Variants in CDK8 observed in about 807,000 individuals in gnomAD.
CDK8 encodes cyclin-dependent kinase 8.
A neutral mutation model predicts 71.5 loss-of-function variants in CDK8; 29 were observed. The ratio of observed to expected loss-of-function variants is 0.41; its 90% CI spans 0.30 to 0.55. The LOEUF (loss-of-function observed/expected upper bound fraction) is 0.55, where lower values mean the gene tolerates loss of function less well. CDK8 is among the 20% of genes least tolerant of loss of function. The pLI is 0.37. For synonymous variants in CDK8, 161 were observed against 192.1 expected, an observed-to-expected ratio of 0.84 and a Z score of 1.34; for missense variants, 288 against 572.6, an observed-to-expected ratio of 0.50 and a Z score of 5.07.
intron 4 of CDK8, among the ~76,000 whole-genome samples, chr13:26,361,491 C>A (rs1412588721): frequency 6.6e-6 from 1 of 152,114 alleles, no homozygotes; most frequent in African/African-American, 2.4e-5. Flanking sequence ...CTTCAGTCAA[C>A]CTACAATTGG....
chr13:26,317,327 A>G (rs997687784), intron 1 of CDK8, among the ~76,000 whole-genome samples: 1 of 152,338 alleles, frequency 6.6e-6, no homozygotes, highest in Non-Finnish European at 1.5e-5. Flanking sequence ...CATGAAAGGA[A>G]AAAACTGATA....
intron 12 of CDK8, among the ~76,000 whole-genome samples, chr13:26,402,332 C>T (rs138846885): frequency 2.0e-5 from 3 of 152,252 alleles, no homozygotes; most frequent in East Asian, 3.9e-4. Context: ...TTGTCAGTTA[C>T]GTTGTGGAAA....
At chr13:26,329,455 C>T (rs1409286429) in intron 1 of CDK8, among the ~76,000 whole-genome samples, 1 of 149,680 alleles carries the variant, frequency 6.7e-6, no homozygotes, top group Non-Finnish European at 1.5e-5. Flanking sequence ...CCCCATCTTA[C>T]CTTGCCTATT....
intron 1 of CDK8, among the ~76,000 whole-genome samples, chr13:26,304,442 A>G (rs1166772372): frequency 6.6e-6 from 1 of 151,678 alleles, no homozygotes; most frequent in Non-Finnish European, 1.5e-5. Context: ...TACTTTTTAT[A>G]TTATTGTGTA....
At chr13:26,380,641 T>TA (rs536266544) in intron 4 of CDK8, among the ~76,000 whole-genome samples, 1,991 of 149,696 alleles carry the variant, frequency 0.013, 57 homozygotes, top group Admixed American at 0.069. Flanking sequence ...CTGGCTGATT[T>TA]AAAAAAAAAA....
rs147290719 is a variant in CDK8 at position 26,374,043 on chromosome 13, A to AAAAAAAAT, written c.457-8770_457-8769insAAAAAATA. ...AAAAAAAAAAAAAAAAAAAACAAAA[A>AAAAAAAAT]ACAAAAAATTAGCTGGGCGTGGTGG... On this transcript the variant is annotated intron_variant, in intron 4 of 12. Coordinates refer to ENST00000381527, the MANE Select transcript of CDK8 (RefSeq NM_001260.3). Among the ~76,000 whole-genome samples the AAAAAAAAT allele has an allele frequency of 1.3e-3, 146 of 111,790 alleles. 42 individuals are homozygous for AAAAAAAAT. The highest frequency in any genetic ancestry group is 1.5e-3 in the Non-Finnish European group (83 of 56,730). 73.3% of individuals were successfully genotyped at this position (111,790 alleles called of 152,430 possible). A position where few individuals can be genotyped will look rare whatever the true frequency, so the allele number is the denominator to read the frequency against.
intron 1 of CDK8, among the ~76,000 whole-genome samples, chr13:26,293,491 G>A (rs1188884507): frequency 6.6e-6 from 1 of 151,416 alleles, no homozygotes; most frequent in Non-Finnish European, 1.5e-5. Context: ...TGTAGTCTCA[G>A]CTACTCGGGA....
intron 4 of CDK8, among the ~76,000 whole-genome samples, chr13:26,356,115 T>TAGTACACACTAACA (rs1324267818): frequency 6.6e-6 from 1 of 152,164 alleles, no homozygotes; most frequent in African/African-American, 2.4e-5. Context: ...CTCTGTCTGT[T>TAGTACACACTAACA]AGTGGTGTAC....
intron 1 of CDK8, among the ~76,000 whole-genome samples, chr13:26,296,788 G>C (rs1873581101): frequency 6.6e-6 from 1 of 152,086 alleles, no homozygotes; most frequent in Non-Finnish European, 1.5e-5. Flanking sequence ...AAGAGCATGG[G>C]GTTTAATTTG....
intron 1 of CDK8, among the ~76,000 whole-genome samples, chr13:26,284,654 G>A (rs896256532): frequency 6.6e-6 from 1 of 151,982 alleles, no homozygotes; most frequent in African/African-American, 2.4e-5. Context: ...AAAATTCCAG[G>A]ACTGGATGGA....
chr13:26,380,446 G>T (rs1875166221), intron 4 of CDK8, among the ~76,000 whole-genome samples: 1 of 152,090 alleles, frequency 6.6e-6, no homozygotes, highest in African/African-American at 2.4e-5. Context: ...TTCTTGAAGT[G>T]CTGGGATTAC....
intron 1 of CDK8, among the ~76,000 whole-genome samples, chr13:26,328,911 C>G (rs1431179941): frequency 2.0e-5 from 3 of 152,196 alleles, no homozygotes; most frequent in Non-Finnish European, 2.9e-5. Context: ...ACTTTGTCTT[C>G]CATTCAGCCA....
chr13:26,371,709 G>A (rs534225914), intron 4 of CDK8, among the ~76,000 whole-genome samples: 36 of 152,116 alleles, frequency 2.4e-4, no homozygotes, highest in African/African-American at 8.4e-4. Flanking sequence ...TCCGCCTCCC[G>A]GGTTCAAGTG....
At chr13:26,261,274 G>GA (rs905854259) in intron 1 of CDK8, among the ~76,000 whole-genome samples, 58 of 152,264 alleles carry the variant, frequency 3.8e-4, no homozygotes, top group African/African-American at 1.3e-3. Context: ...TATTGTAGCA[G>GA]AAAAAATGCT....
At chr13:26,315,571 T>C (rs905665713) in intron 1 of CDK8, among the ~76,000 whole-genome samples, 1 of 152,188 alleles carries the variant, frequency 6.6e-6, no homozygotes, top group Non-Finnish European at 1.5e-5. Context: ...CTAAGACAAT[T>C]GTAAATGATA....
chr13:26,368,618 A>G (rs1184085758), intron 4 of CDK8, among the ~76,000 whole-genome samples: 2 of 152,256 alleles, frequency 1.3e-5, no homozygotes, highest in Non-Finnish European at 2.9e-5. Flanking sequence ...TTCTTGTCAT[A>G]TAGTAATGGT....
chr13:26,261,004 A>AT (rs1871745751), intron 1 of CDK8, among the ~76,000 whole-genome samples: 1 of 152,136 alleles, frequency 6.6e-6, no homozygotes, highest in African/African-American at 2.4e-5. Context: ...CACTTTGTGA[A>AT]TTTTTTCCTT....
intron 1 of CDK8, among the ~76,000 whole-genome samples, chr13:26,260,658 T>G (rs184251100): frequency 1.1e-4 from 16 of 152,322 alleles, no homozygotes; most frequent in Non-Finnish European, 2.4e-4. Flanking sequence ...GGGACAGGGC[T>G]TCTGGCATGC....
At chr13:26,327,413 C>T (rs901102918) in intron 1 of CDK8, among the ~76,000 whole-genome samples, 8 of 152,164 alleles carry the variant, frequency 5.3e-5, no homozygotes, top group Middle Eastern at 3.4e-3. Context: ...GCGTAAAATA[C>T]GTTTTATTAG....
Sources: gnomAD v4.1 joint callset for allele counts (sites outside exome capture counted in the v4.1 genomes callset) on GRCh38, gnomAD v4.1.1 for gene constraint, MANE v1.5 for transcripts, NCBI Gene and HGNC (gene_info 2026-07-23, HGNC 2026-07-21) for gene names.